The following FAM89A variants were observed in gnomAD, a reference collection of about 807,000 sequenced individuals.
FAM89A encodes the protein protein FAM89A.
Under a neutral mutation model 7.1 loss-of-function variants are expected in FAM89A, and 10 were observed. The ratio of observed to expected loss-of-function variants is 1.40; its 90% CI spans 0.86 to 2.38. The LOEUF (loss-of-function observed/expected upper bound fraction) is 2.38, where lower values mean the gene tolerates loss of function less well. Among genes scored for constraint, FAM89A ranks in the 30% most tolerant of loss-of-function variants. The probability of loss-of-function intolerance (pLI) is 0.00; values close to 1 mark genes in which losing one functional copy is unlikely to be tolerated. For synonymous variants in FAM89A, 157 were observed against 129.3 expected, an observed-to-expected ratio of 1.21 and a Z score of -1.45; for missense variants, 276 against 262.8, an observed-to-expected ratio of 1.05 and a Z score of -0.35.
At chr1:231,037,820 C>T (rs1680183910) in intron 1 of FAM89A, among the ~76,000 whole-genome samples, 1 of 152,108 alleles carries the variant, frequency 6.6e-6, no homozygotes, top group Admixed American at 6.5e-5. Flanking sequence ...CACCCTGCTC[C>T]CTGTCCCTAT....
chr1:231,020,225 C>T (rs1326872119), intron 1 of FAM89A, 99 bp from the exon 2 acceptor site: 1 of 1,226,574 alleles, frequency 8.2e-7, no homozygotes, highest in African/African-American at 1.5e-5. Flanking sequence ...CCAGCACATT[C>T]CTTCCACACG....
In FAM89A at chr1:231,023,094, G is replaced by A. The variant is rs191811543; in HGVS notation, c.292-2968C>T. 4.6e-5 allele frequency among the ~76,000 whole-genome samples: 7 copies of A among 151,940 alleles called. No homozygotes were observed. The East Asian group carries it at 5.9e-4, about 13-fold the overall frequency. ...AACATCTGCCCCCCGTGTAGATACTGAGAGGTGGTGGCAGTAATTGTGGCC... is the reference window on the plus strand; with the variant it reads ...AACATCTGCCCCCCGTGTAGATACTAAGAGGTGGTGGCAGTAATTGTGGCC... On this transcript the variant is annotated intron_variant, in intron 1 of 1. Transcript: ENST00000366654.
chr1:231,019,740 G>A lies in FAM89A; in HGVS notation c.*123C>T, dbSNP rs1320672470. Reference sequence around the variant, plus strand: ...CCTGCCTACAAATGAAACTGGTAGCGCTCATCCCCTGTGCCCGAGGACCGT... The same window carrying A: ...CCTGCCTACAAATGAAACTGGTAGCACTCATCCCCTGTGCCCGAGGACCGT... On this transcript the variant is annotated 3_prime_UTR_variant, in exon 2 of 2. Coordinates refer to ENST00000366654, the MANE Select transcript of FAM89A (RefSeq NM_198552.3). 5.0e-5 allele frequency: 53 copies of A among 1,057,848 alleles called. No individual in the cohort carries two copies. Among genetic ancestry groups the A allele is most frequent in the Non-Finnish European group, 6.0e-5 (44 of 737,734 alleles). The allele number at this position is 1,057,848 out of a possible 1,614,324, so 65.5% of individuals were successfully genotyped here.
intron 1 of FAM89A, chr1:231,026,154 A>C (rs1679965666): frequency 6.5e-6 from 1 of 154,358 alleles, no homozygotes; most frequent in Non-Finnish European, 1.5e-5. Flanking sequence ...TAGTGGGCAG[A>C]CTCACCTCAG....
intron 1 of FAM89A, among the ~76,000 whole-genome samples, chr1:231,033,011 C>A (rs1680100551): frequency 6.6e-6 from 1 of 152,248 alleles, no homozygotes; most frequent in Admixed American, 6.5e-5. Flanking sequence ...CGGGAAAGGC[C>A]ACATGTCTTA....
At position 231,019,188 on chromosome 1, in the gene FAM89A, T is replaced by TC. The variant is rs55911834; in HGVS notation, c.*674dup. On this transcript the variant is annotated 3_prime_UTR_variant, in exon 2 of 2. Transcript: ENST00000366654. ...AGTTTTTGTGTTCTTTTTTTTTTTT[T>TC]CACTATTCAACATGTCTTCGTATTA... 7 of 151,510 alleles carry TC rather than the reference T, an allele frequency of 4.6e-5. No homozygotes were observed. The highest frequency in any genetic ancestry group is 1.0e-4 in the Non-Finnish European group (7 of 67,860). The allele number at this position is 151,510 out of a possible 1,614,324, so 9.4% of individuals were successfully genotyped here. A position where few individuals can be genotyped will look rare whatever the true frequency, so the allele number is the denominator to read the frequency against.
At chr1:231,024,830 G>A (rs2103071633) in intron 1 of FAM89A, among the ~76,000 whole-genome samples, 1 of 151,258 alleles carries the variant, frequency 6.6e-6, no homozygotes, top group South Asian at 2.1e-4. Flanking sequence ...GAGCCACTGT[G>A]CCCAGCCTAC....
rs894238234 is a variant in FAM89A at position 231,034,382 on chromosome 1, T to C, written c.291+5539A>G. Reference sequence around the variant, plus strand: ...GAGATTTTAGCCCAAAAGAGTGAAGTGGCTTGTCAGAACTGTATCACATAG... The same window carrying C: ...GAGATTTTAGCCCAAAAGAGTGAAGCGGCTTGTCAGAACTGTATCACATAG... On this transcript the variant is annotated intron_variant, in intron 1 of 1. Transcript: ENST00000366654. 1.6e-4 allele frequency among the ~76,000 whole-genome samples: 25 copies of C among 152,224 alleles called. 1 individual carries two copies. Among genetic ancestry groups the C allele is most frequent in the Non-Finnish European group, 2.9e-5 (2 of 68,032 alleles).
At chr1:231,028,100 C>T (rs1358875649) in intron 1 of FAM89A, among the ~76,000 whole-genome samples, 2 of 152,220 alleles carry the variant, frequency 1.3e-5, no homozygotes, top group East Asian at 1.9e-4. Context: ...CCAGAGAACA[C>T]GTAGCCGCAG....
In FAM89A at chr1:231,020,116, C is replaced by T. The variant is rs758103357; in HGVS notation, c.302G>A (p.Arg101His). The T allele has an allele frequency of 2.6e-5, 41 of 1,605,898 alleles. No homozygotes were observed. The highest frequency in any genetic ancestry group is 1.7e-4 in the Middle Eastern group (1 of 6,054). ...GCAGAGCAAGGACATGTCCAGCTGG[C>T]GGAGACCAACCTTGAGGGAAGGGGT... ...ALLRKEMVGLRQLDMSLLCQL... is the reference protein window; with the variant it reads ...ALLRKEMVGLHQLDMSLLCQL... Residue 101 changes from arginine to histidine, a missense_variant, in exon 2 of 2, where the codon CGC (arginine) becomes CAC (histidine). Transcript: ENST00000366654.
chr1:231,021,983 A>C (rs4394639), intron 1 of FAM89A: 282,337 of 1,332,502 alleles, frequency 0.21, 33,072 homozygotes, highest in Admixed American at 0.4. Flanking sequence ...TATAGGCCTC[A>C]GGCCCTCGGG....
intron 1 of FAM89A, among the ~76,000 whole-genome samples, chr1:231,023,361 G>A (rs1679912870): frequency 6.6e-6 from 1 of 152,182 alleles, no homozygotes; most frequent in African/African-American, 2.4e-5. Context: ...GTTCGCTCAG[G>A]GGCAGCAAAG....
chr1:231,027,007 T>C (rs887024367), intron 1 of FAM89A: 1 of 152,144 alleles, frequency 6.6e-6, no homozygotes, highest in Non-Finnish European at 1.5e-5. Flanking sequence ...GAATGAATAA[T>C]GGAAAAACAC....
intron 1 of FAM89A, among the ~76,000 whole-genome samples, chr1:231,036,295 G>T (rs1680154685): frequency 6.6e-6 from 1 of 152,134 alleles, no homozygotes; most frequent in Non-Finnish European, 1.5e-5. Context: ...CATCTACCAG[G>T]TGTGATAAGC....
In FAM89A at chr1:231,040,078, C is replaced by A; in HGVS notation, c.134G>T (p.Gly45Val). The A allele has an allele frequency of 6.9e-7, 1 of 1,444,314 alleles. No individual in the cohort carries two copies. The highest frequency in any genetic ancestry group is 3.0e-5 in the East Asian group (1 of 32,952). The allele number at this position is 1,444,314 out of a possible 1,614,324, so 89.5% of individuals were successfully genotyped here. The change falls in exon 1 of 2, where the codon GGG becomes GTG. Residue 45 changes from glycine to valine, a missense_variant. Coordinates refer to ENST00000366654, the MANE Select transcript of FAM89A (RefSeq NM_198552.3). ...CAGCCGCTCCAGGTGCCGCCAGCCC[C>A]CAGACGCGCCGCCGCCCGACGCCGA... The part of the protein sequence containing the change: ...LHSASGGGAS[G>V]GWRHLERLYA...
Position 231,019,188 on chromosome 1 carries a change from T to TTC in FAM89A, c.*674_*675insGA, listed in dbSNP as rs1553308120. ...AGTTTTTGTGTTCTTTTTTTTTTTT[T>TTC]CACTATTCAACATGTCTTCGTATTA... is the stretch of plus-strand genomic sequence containing the variant. On this transcript the variant is annotated 3_prime_UTR_variant, in exon 2 of 2. Coordinates refer to ENST00000366654, the MANE Select transcript of FAM89A (RefSeq NM_198552.3). 1 of 151,396 alleles carries TTC rather than the reference T, an allele frequency of 6.6e-6. No homozygotes were observed. Among genetic ancestry groups the TTC allele is most frequent in the African/African-American group, 2.4e-5 (1 of 41,168 alleles). 9.4% of individuals were successfully genotyped at this position (151,396 alleles called of 1,614,324 possible). A position where few individuals can be genotyped will look rare whatever the true frequency, so the allele number is the denominator to read the frequency against.
chr1:231,027,684 G>A (rs763207775), intron 1 of FAM89A, among the ~76,000 whole-genome samples: 5 of 152,178 alleles, frequency 3.3e-5, no homozygotes, highest in Admixed American at 3.3e-4. Context: ...TGGAAGATCC[G>A]TAGGCAGCAC....
rs1057463869 is a variant in FAM89A at position 231,040,026 on chromosome 1, G to C, written c.186C>G (p.Asp62Glu). The C allele has an allele frequency of 2.1e-6, 3 of 1,441,790 alleles. No homozygotes were observed. The highest frequency in any genetic ancestry group is 2.7e-6 in the Non-Finnish European group (3 of 1,100,270). The allele number at this position is 1,441,790 out of a possible 1,614,324, so 89.3% of individuals were successfully genotyped here. A position where few individuals can be genotyped will look rare whatever the true frequency, so the allele number is the denominator to read the frequency against. ...CGCCCGGGCCCCCGCGGCTCAGCTC[G>C]TCCTGGATGCGCGACTTCTGCGCGT... The part of the protein sequence containing the change: ...RLYAQKSRIQ[D>E]ELSRGGPGGG... Residue 62 changes from aspartate (D) to glutamate (E), a missense_variant, in exon 1 of 2, where the codon GAC (aspartate) becomes GAG (glutamate). Transcript: ENST00000366654.
At chr1:231,020,604 G>T (rs1239118389) in intron 1 of FAM89A, among the ~76,000 whole-genome samples, 1 of 152,186 alleles carries the variant, frequency 6.6e-6, no homozygotes, top group Admixed American at 6.5e-5. Context: ...AGTGACAGCA[G>T]CTGGCCAACG....
Sources: allele counts gnomAD v4.1 joint callset (sites outside exome capture counted in the v4.1 genomes callset), GRCh38; gene constraint gnomAD v4.1.1; transcripts MANE v1.5; gene names NCBI Gene and HGNC (gene_info 2026-07-23, HGNC 2026-07-21).